The following ANK2 variants were observed in gnomAD, a reference collection of about 807,000 sequenced individuals.
ANK2 encodes the protein ankyrin 2.
In ANK2, 83 loss-of-function variants were observed where a neutral mutation model predicts 360.5. The observed-to-expected ratio is 0.23, with a 90% CI of 0.19 to 0.28. The LOEUF (loss-of-function observed/expected upper bound fraction) is 0.28, where lower values mean the gene tolerates loss of function less well. ANK2 is among the 10% of genes least tolerant of loss of function. ANK2 has a pLI of 1.00. For synonymous variants in ANK2, 1,740 were observed against 1,759.5 expected (o/e 0.99, Z 0.28); for missense variants, 4,201 against 4,795.7 (o/e 0.88, Z 3.66).
At chr4:112,712,037 C>T in the ANK2 span, among the ~76,000 whole-genome samples, 63 of 148,462 alleles carry the variant, frequency 4.2e-4, no homozygotes, top group African/African-American at 1.4e-3. Flanking sequence ...ATGTTACATA[C>T]ATACACACAC....
At chr4:113,218,316 C>A (rs925287143) in intron 4 of ANK2, among the ~76,000 whole-genome samples, 12 of 152,056 alleles carry the variant, frequency 7.9e-5, no homozygotes, top group Admixed American at 6.5e-5. Context: ...AAAAATGAAC[C>A]TTTTTCTTTG....
chr4:113,313,785 G>GGGT (rs1554478679), intron 24 of ANK2: 4 of 149,578 alleles, frequency 2.7e-5, no homozygotes, highest in African/African-American at 1.0e-4. Context: ...TGTGTTGCCG[G>GGGT]GGCGGGGGGT....
At chr4:112,712,770 A>G in the ANK2 span, among the ~76,000 whole-genome samples, 1 of 152,178 alleles carries the variant, frequency 6.6e-6, no homozygotes, top group South Asian at 2.1e-4. Context: ...AGGAAAATTT[A>G]TTTTAGACAG....
intron 1 of ANK2, among the ~76,000 whole-genome samples, chr4:113,141,816 C>T (rs1018525330): frequency 1.3e-5 from 2 of 152,186 alleles, no homozygotes; most frequent in African/African-American, 4.8e-5. Flanking sequence ...CAGCAACTTT[C>T]AGAAGATTAA....
Position 113,233,104 on chromosome 4 carries a change from CTG to C in ANK2, c.483+847_483+848del, listed in dbSNP as rs2099330848. ...ACCAGAGTATATGGGCTTGGCTTTT[CTG>C]TTTTTTTTTTTTTTTTTTTTTTTTT... is the stretch of plus-strand genomic sequence containing the variant. On this transcript the variant is annotated intron_variant, in intron 5 of 45. Coordinates refer to ENST00000357077, the MANE Select transcript of ANK2 (RefSeq NM_001148.6). Among the ~76,000 whole-genome samples the C allele has an allele frequency of 1.7e-4, 5 of 29,304 alleles. 2 individuals carry two copies. The highest frequency in any genetic ancestry group is 4.2e-4 in the African/African-American group (3 of 7,114). The allele number at this position is 29,304 out of a possible 152,430, so 19.2% of individuals were successfully genotyped here. A position where few individuals can be genotyped will look rare whatever the true frequency, so the allele number is the denominator to read the frequency against.
chr4:112,880,888 G>A lies in ANK2; in HGVS notation c.-39-23567G>A, dbSNP rs538918215. The A allele has an allele frequency of 1.2e-4, 18 of 152,316 alleles. 1 individual carries two copies. Among genetic ancestry groups the A allele is most frequent in the African/African-American group, 4.1e-4 (17 of 41,564 alleles). 9.4% of individuals were successfully genotyped at this position (152,316 alleles called of 1,614,324 possible). On this transcript the variant is annotated intron_variant, in intron 1 of 30. Coordinates refer to the ANK2 transcript ENST00000503271. ...AGTGAGAGGAAAATGGGATAATAGA[G>A]TCTCTTCCTAGACAATCCCTCAATT... is the stretch of plus-strand genomic sequence containing the variant.
rs1188089924 is a variant in ANK2 at position 113,357,493 on chromosome 4, G to A, written c.8875G>A (p.Val2959Met). Residue 2959 changes from valine to methionine, a missense_variant, in exon 38 of 46, where the codon GTG becomes ATG. Around this residue, in one of 4 missense-constraint regions of ANK2, gnomAD observed 2,642 missense variants for 2,714.5 expected, o/e 0.97. Coordinates refer to ENST00000357077, the MANE Select transcript of ANK2 (RefSeq NM_001148.6). ...CACCACAAGTTTTCACTCTTCTGAA[G>A]TGTATTCTGTTACCATCACATCCCC... ...NHTTSFHSSEVYSVTITSPVE... is the reference protein window; with the variant it reads ...NHTTSFHSSEMYSVTITSPVE... 5 of 1,614,150 alleles carry A rather than the reference G, an allele frequency of 3.1e-6. No homozygotes were observed. The highest frequency in any genetic ancestry group is 8.5e-7 in the Non-Finnish European group (1 of 1,179,998).
chr4:112,867,353 C>T lies in ANK2; in HGVS notation c.-39-37102C>T, dbSNP rs559178018. Among the ~76,000 whole-genome samples the T allele has an allele frequency of 5.5e-3, 833 of 151,858 alleles. 2 individuals carry two copies. Among genetic ancestry groups the T allele is most frequent in the Non-Finnish European group, 8.8e-3 (600 of 67,874 alleles). ...TTGTCATTTATGCCTTATGTTTTTT[C>T]CTCCTATTCTTTTAGTATTATGATT... On this transcript the variant is annotated intron_variant, in intron 1 of 30. Transcript: ENST00000503271.
chr4:112,840,632 G>A (rs371674524), intron 1 of ANK2, among the ~76,000 whole-genome samples: 12 of 152,252 alleles, frequency 7.9e-5, no homozygotes, highest in Non-Finnish European at 1.3e-4. Context: ...ATTTAGGGAC[G>A]GAAAAATGCA....
chr4:113,335,347 CAAG>C lies in ANK2; in HGVS notation c.3380-497_3380-495del, dbSNP rs370668734. Among the ~76,000 whole-genome samples, 313 of 152,252 alleles carry C rather than the reference CAAG, an allele frequency of 2.1e-3. 1 individual carries two copies. The highest frequency in any genetic ancestry group is 0.01 in the Middle Eastern group (3 of 294). ...CTCATAAACATGACTCTTACTCTTC[CAAG>C]ATAGATTTTATTCCTGCATTATTCC... On this transcript the variant is annotated intron_variant, in intron 29 of 45. Coordinates refer to ENST00000357077, the MANE Select transcript of ANK2 (RefSeq NM_001148.6).
chr4:113,241,126 T>C (rs1449030671), intron 8 of ANK2, among the ~76,000 whole-genome samples: 1 of 152,188 alleles, frequency 6.6e-6, no homozygotes, highest in African/African-American at 2.4e-5. Context: ...TAATATACAG[T>C]TAATGCAGAA....
chr4:112,751,048 G>T, the ANK2 span, among the ~76,000 whole-genome samples: 1 of 152,126 alleles, frequency 6.6e-6, no homozygotes, highest in Admixed American at 6.6e-5. Context: ...ACAAGGTACA[G>T]AAACGGAACA....
the ANK2 span, among the ~76,000 whole-genome samples, chr4:112,725,886 T>A: frequency 6.6e-6 from 1 of 152,088 alleles, no homozygotes; most frequent in African/African-American, 2.4e-5. Context: ...TGGCAAATTT[T>A]ATGTTACATG....
chr4:112,854,538 A>G (rs1359234630), intron 1 of ANK2, among the ~76,000 whole-genome samples: 1 of 152,154 alleles, frequency 6.6e-6, no homozygotes, highest in Non-Finnish European at 1.5e-5. Context: ...TGTAGCCTCC[A>G]GGTGAGAGAT....
At chr4:113,209,347 AG>A (rs1312258671) in intron 4 of ANK2, among the ~76,000 whole-genome samples, 2 of 151,988 alleles carry the variant, frequency 1.3e-5, no homozygotes, top group Non-Finnish European at 2.9e-5. Context: ...GATCCAGACA[AG>A]GGAGGGCCCA....
the ANK2 span, among the ~76,000 whole-genome samples, chr4:112,811,138 C>A: frequency 6.6e-6 from 1 of 151,662 alleles, no homozygotes; most frequent in African/African-American, 2.4e-5. Context: ...GGGGTTTCAC[C>A]GTGTTAGCCA....
intron 1 of ANK2, among the ~76,000 whole-genome samples, chr4:113,169,656 C>T (rs961555639): frequency 6.6e-6 from 1 of 152,082 alleles, no homozygotes; most frequent in Non-Finnish European, 1.5e-5. Context: ...GGTTGGGTCA[C>T]CGTTTTAGAC....
At chr4:112,886,460 C>T (rs559864193) in intron 1 of ANK2, among the ~76,000 whole-genome samples, 368 of 152,074 alleles carry the variant, frequency 2.4e-3, no homozygotes, top group Non-Finnish European at 4.3e-3. Flanking sequence ...GTCAGGAGTT[C>T]GAGACCAGCC....
chr4:112,969,920 A>T (rs938927784), intron 2 of ANK2, among the ~76,000 whole-genome samples: 1 of 152,182 alleles, frequency 6.6e-6, no homozygotes, highest in South Asian at 2.1e-4. Flanking sequence ...ACAGTTTTTG[A>T]TGCAGGCCCC....
Sources: allele counts gnomAD v4.1 joint callset (sites outside exome capture counted in the v4.1 genomes callset), GRCh38; gene constraint gnomAD v4.1.1; regional missense constraint gnomAD v4.1.1; transcripts MANE v1.5; gene names NCBI Gene and HGNC (gene_info 2026-07-23, HGNC 2026-07-21).